The following DPP10 variants were observed in gnomAD, a reference collection of about 807,000 sequenced individuals.
The protein encoded by DPP10 is inactive dipeptidyl peptidase 10.
In DPP10, 33 loss-of-function variants were observed where a neutral mutation model predicts 120.9. That is an observed-to-expected ratio of 0.27 (90% CI 0.21 to 0.37). The LOEUF is 0.37. Ranked by LOEUF, DPP10 falls within the 10% of genes least tolerant of loss-of-function variation. The probability of loss-of-function intolerance (pLI) is 1.00; values close to 1 mark genes in which losing one functional copy is unlikely to be tolerated. For missense variants in DPP10, 816 were observed against 942.8 expected, an observed-to-expected ratio of 0.87 and a Z score of 1.76; for synonymous variants, 337 against 326.1, an observed-to-expected ratio of 1.03 and a Z score of -0.36.
intron 1 of DPP10, among the ~76,000 whole-genome samples, chr2:114,468,280 C>T (rs1679585834): frequency 6.6e-6 from 1 of 151,026 alleles, no homozygotes. Context: ...AAAGTAGTAG[C>T]AAGAGGTCCA....
At position 115,355,124 on chromosome 2, in the gene DPP10, A is replaced by G. The variant is rs190470654; in HGVS notation, c.271+11212A>G. Among the ~76,000 whole-genome samples, 4 of 152,310 alleles carry G rather than the reference A, an allele frequency of 2.6e-5. No homozygotes were observed. In the East Asian group the frequency reaches 7.7e-4, roughly 29 times the overall value. Reference sequence around the variant, plus strand: ...GGTTCTAGATCCTTGAGGAATTGCCATACTGTCTTCCACAATGGTGGAACT... The same window carrying G: ...GGTTCTAGATCCTTGAGGAATTGCCGTACTGTCTTCCACAATGGTGGAACT... On this transcript the variant is annotated intron_variant, in intron 3 of 25. Transcript: ENST00000410059.
At chr2:115,836,931 A>G (rs1034541551) in intron 24 of DPP10, among the ~76,000 whole-genome samples, 185 bp downstream of exon 24, 4 of 152,192 alleles carry the variant, frequency 2.6e-5, no homozygotes, top group Admixed American at 2.0e-4. Context: ...AGAGGAGGCT[A>G]TTCCTCAAAT....
rs139572526 is a variant in DPP10 at position 115,384,707 on chromosome 2, A to AAAGAAGAAGAAGAAGAAG, written c.271+40806_271+40823dup. 3.6e-3 allele frequency among the ~76,000 whole-genome samples: 535 copies of AAAGAAGAAGAAGAAGAAG among 148,544 alleles called. 4 individuals are homozygous for AAAGAAGAAGAAGAAGAAG. The highest frequency in any genetic ancestry group is 0.012 in the African/African-American group (467 of 39,544). ...AGGAAGAAGAAGAAAAAGAAAGAAG[A>AAAGAAGAAGAAGAAGAAG]AAGAAGAAGAAGAAGAAGAAGAAGA... On this transcript the variant is annotated intron_variant, in intron 3 of 25. Coordinates refer to ENST00000410059, the MANE Select transcript of DPP10 (RefSeq NM_020868.6).
chr2:114,484,689 C>A (rs912324434), intron 1 of DPP10, among the ~76,000 whole-genome samples: 2 of 152,110 alleles, frequency 1.3e-5, no homozygotes, highest in South Asian at 2.1e-4. Flanking sequence ...CACACCAGAA[C>A]TCTTCAACAG....
intron 7 of DPP10, among the ~76,000 whole-genome samples, chr2:115,698,844 A>T (rs1432422039): frequency 2.6e-5 from 4 of 152,124 alleles, no homozygotes; most frequent in African/African-American, 9.7e-5. Flanking sequence ...ACAAAAAAAG[A>T]TCTCAAATCA....
At chr2:115,662,985 T>G (rs1047137883) in intron 5 of DPP10, among the ~76,000 whole-genome samples, 1 of 73,902 alleles carries the variant, frequency 1.4e-5, no homozygotes, top group Non-Finnish European at 3.9e-5. Flanking sequence ...AGAGAAATTT[T>G]TATTTTTTAT....
At chr2:114,755,680 C>A (rs1278004978) in intron 1 of DPP10, among the ~76,000 whole-genome samples, 1 of 152,140 alleles carries the variant, frequency 6.6e-6, no homozygotes, top group Non-Finnish European at 1.5e-5. Flanking sequence ...ACCAAGAATG[C>A]AGAATAAAGT....
At chr2:115,715,357 A>AG (rs1040436524) in intron 7 of DPP10, among the ~76,000 whole-genome samples, 121 of 150,672 alleles carry the variant, frequency 8.0e-4, no homozygotes, top group Non-Finnish European at 1.5e-3. Flanking sequence ...AAAAAAAAAA[A>AG]AAAAAAGAAA....
intron 3 of DPP10, among the ~76,000 whole-genome samples, chr2:115,456,134 C>G (rs1319799696): frequency 6.6e-6 from 1 of 152,008 alleles, no homozygotes; most frequent in Non-Finnish European, 1.5e-5. Context: ...ACAACCCCAT[C>G]AAAAAGTGGG....
intron 7 of DPP10, among the ~76,000 whole-genome samples, chr2:115,711,414 G>C (rs1181792020): frequency 1.3e-5 from 2 of 152,070 alleles, no homozygotes; most frequent in African/African-American, 2.4e-5. Flanking sequence ...TATTTGCAGA[G>C]ATTATAAATT....
intron 1 of DPP10, among the ~76,000 whole-genome samples, chr2:114,568,703 C>T (rs1689400803): frequency 6.6e-6 from 1 of 152,218 alleles, no homozygotes; most frequent in Non-Finnish European, 1.5e-5. Flanking sequence ...TAAACGCGAT[C>T]ATATTTAGTT....
intron 4 of DPP10, among the ~76,000 whole-genome samples, chr2:115,509,720 T>G (rs1446116348): frequency 6.6e-6 from 1 of 151,984 alleles, no homozygotes; most frequent in Non-Finnish European, 1.5e-5. Flanking sequence ...ACAAAGGTAG[T>G]CTCCACTTCT....
chr2:115,079,837 G>A (rs10496488), intron 1 of DPP10, among the ~76,000 whole-genome samples: 37,494 of 151,982 alleles, frequency 0.25, 5,374 homozygotes, highest in Non-Finnish European at 0.31. Context: ...GAGAAATGGC[G>A]TTATCAGATT....
intron 21 of DPP10, among the ~76,000 whole-genome samples, chr2:115,835,109 C>G (rs1463411725): frequency 1.3e-5 from 2 of 151,200 alleles, no homozygotes; most frequent in African/African-American, 4.9e-5. Flanking sequence ...GCACTCCAGC[C>G]TGGACCACAG....
intron 3 of DPP10, among the ~76,000 whole-genome samples, chr2:115,399,570 A>G (rs1211657423): frequency 6.6e-6 from 1 of 152,160 alleles, no homozygotes; most frequent in Admixed American, 6.5e-5. Flanking sequence ...TTTGCTTTAG[A>G]ATCAACTCCT....
At position 115,343,909 on chromosome 2, in the gene DPP10, A is replaced by G. The variant is rs1468612489; in HGVS notation, c.268A>G (p.Asn90Asp). 1.2e-6 allele frequency: 2 copies of G among 1,609,170 alleles called. No individual in the cohort carries two copies. The highest frequency in any genetic ancestry group is 1.7e-6 in the Non-Finnish European group (2 of 1,177,122). Residue 90 changes from asparagine (N) to aspartate (D), a missense_variant, in exon 3 of 26, where the codon AAT (asparagine) becomes GAT (aspartate). Around this residue, in one of 3 missense-constraint regions of DPP10, gnomAD observed 182 missense variants for 207.4 expected, o/e 0.88. Coordinates refer to ENST00000410059, the MANE Select transcript of DPP10 (RefSeq NM_020868.6). Reference sequence around the variant, plus strand: ...TCACGATCCAGAGGCTCGGTGGATCAATGGTAAGTGTATACCTTTTTAAAC... The same window carrying G: ...TCACGATCCAGAGGCTCGGTGGATCGATGGTAAGTGTATACCTTTTTAAAC... ...VLHDPEARWI[N>D]DTDVVYKSEN...
intron 1 of DPP10, among the ~76,000 whole-genome samples, chr2:114,519,921 T>C (rs917961683): frequency 6.6e-6 from 1 of 152,238 alleles, no homozygotes; most frequent in Non-Finnish European, 1.5e-5. Flanking sequence ...TTCCTCTTCA[T>C]GTATTGCGAT....
intron 1 of DPP10, among the ~76,000 whole-genome samples, chr2:114,942,406 T>TATATATAC (rs1697028982): frequency 7.0e-6 from 1 of 142,330 alleles, no homozygotes; most frequent in African/African-American, 2.6e-5. Flanking sequence ...CACACACATA[T>TATATATAC]ATATATATAT....
intron 1 of DPP10, among the ~76,000 whole-genome samples, chr2:114,576,375 G>C (rs997134032): frequency 1.3e-5 from 2 of 152,200 alleles, no homozygotes; most frequent in Non-Finnish European, 2.9e-5. Context: ...GGGAATCGTA[G>C]TACTGGAATT....
Sources: allele counts gnomAD v4.1 joint callset (sites outside exome capture counted in the v4.1 genomes callset), GRCh38; gene constraint gnomAD v4.1.1; regional missense constraint gnomAD v4.1.1; transcripts MANE v1.5; gene names NCBI Gene and HGNC (gene_info 2026-07-23, HGNC 2026-07-21).